The following ZNF45 variants were observed in gnomAD, a reference collection of about 807,000 sequenced individuals.
The protein encoded by ZNF45 is BRC1744.
In ZNF45, 4 loss-of-function variants were observed where a neutral mutation model predicts 12.0. The observed-to-expected ratio is 0.33, with a 90% CI of 0.16 to 0.76. The LOEUF (loss-of-function observed/expected upper bound fraction) is 0.76, where lower values mean the gene tolerates loss of function less well. ZNF45 is among the 30% of genes least tolerant of loss of function. ZNF45 has a pLI of 0.60. For synonymous variants in ZNF45, 272 were observed against 279.6 expected (o/e 0.97, Z 0.27); for missense variants, 700 against 813.0 (o/e 0.86, Z 1.69).
At chr19:43,919,727 A>G (rs976934636) in intron 7 of ZNF45, 28 bp from the exon 8 acceptor site, 6 of 1,604,190 alleles carry the variant, frequency 3.7e-6, no homozygotes, top group Non-Finnish European at 5.1e-6. Flanking sequence ...CTCCACCTAA[A>G]TCTTGCAATA....
In ZNF45 at chr19:43,913,269, G is replaced by T; in HGVS notation, c.*118C>A. 1 of 1,208,952 alleles carries T rather than the reference G, an allele frequency of 8.3e-7. No individual in the cohort carries two copies. The allele number at this position is 1,208,952 out of a possible 1,614,324, so 74.9% of individuals were successfully genotyped here. A position where few individuals can be genotyped will look rare whatever the true frequency, so the allele number is the denominator to read the frequency against. On this transcript the variant is annotated 3_prime_UTR_variant, in exon 10 of 10. Coordinates refer to ENST00000269973, the MANE Select transcript of ZNF45 (RefSeq NM_003425.4). ...GTCTCCACTCTTGTGAGGCTTCTCT[G>T]CTGTGTGGTCTCCCAATCACTTGGC...
rs984016469 is a variant in ZNF45 at position 43,913,455 on chromosome 19, C to A, written c.1981G>T (p.Val661Phe). 3.1e-6 allele frequency: 5 copies of A among 1,605,256 alleles called. No individual in the cohort carries two copies. The African/African-American group carries it at 4.0e-5, about 13-fold the overall frequency. ...TTGTCACCCTCATCATCAGCATGGACTCGCTGATGAATGATAAGACTTGAG... is the reference window on the plus strand; with the variant it reads ...TTGTCACCCTCATCATCAGCATGGAATCGCTGATGAATGATAAGACTTGAG... The part of the protein sequence containing the change: ...WSSSLIIHQR[V>F]HADDEGDKDF... Residue 661 changes from valine (V) to phenylalanine (F), a missense_variant, in exon 10 of 10, where the codon GTC becomes TTC. Val to Phe is a conservative substitution (Grantham distance 50, BLOSUM62 -1). Coordinates refer to ENST00000269973, the MANE Select transcript of ZNF45 (RefSeq NM_003425.4).
Position 43,922,209 on chromosome 19 carries a change from G to C in ZNF45, c.-24C>G. ...ATTTTGTCCTCCTCCTTCTGGAGAA[G>C]TGCCAAGTCTTAAGAGGGAAGGAGA... On this transcript the variant is annotated 5_prime_UTR_variant, in exon 7 of 10. Transcript: ENST00000269973. 1 of 1,606,224 alleles carries C rather than the reference G, an allele frequency of 6.2e-7. No homozygotes were observed. Among genetic ancestry groups the C allele is most frequent in the Non-Finnish European group, 8.5e-7 (1 of 1,174,660 alleles).
intron 6 of ZNF45, 130 bp from the exon 7 acceptor site, chr19:43,922,347 C>G: frequency 1.7e-6 from 1 of 590,478 alleles, no homozygotes; most frequent in Admixed American, 3.0e-5. Context: ...GTGTTCCTTC[C>G]TCGGGCTGGC....
At chr19:43,934,271 T>C (rs1644350796) in intron 2 of ZNF45, among the ~76,000 whole-genome samples, 155 bp downstream of exon 2, 1 of 152,064 alleles carries the variant, frequency 6.6e-6, no homozygotes, top group Admixed American at 6.5e-5. Context: ...ACAAGGCCTT[T>C]GTGAAGGTTC....
Position 43,914,125 on chromosome 19 carries a change from G to A in ZNF45, c.1311C>T (p.Val437=), listed in dbSNP as rs772341636. Residue 437 remains valine (V), a synonymous_variant, in exon 10 of 10, where the codon GTC becomes GTT. Transcript: ENST00000269973. ...ATTTATAGGGTTTTTCCCCTGTATG[G>A]ACTCTAAAATGAATGTTAAAATCTG... ...RSSDFNIHFR[V]HTGEKPYKCE... is the part of the protein sequence containing the mutation. 64 of 1,613,380 alleles carry A rather than the reference G, an allele frequency of 4.0e-5. No homozygotes were observed. In the South Asian group the frequency reaches 6.5e-4, roughly 16 times the overall value.
In ZNF45 at chr19:43,915,061, A is replaced by T; in HGVS notation, c.375T>A (p.Ile125=). 1 of 1,612,034 alleles carries T rather than the reference A, an allele frequency of 6.2e-7. No individual in the cohort carries two copies. The highest frequency in any genetic ancestry group is 8.5e-7 in the Non-Finnish European group (1 of 1,179,140). ...TTTCCAACTGGCAGCCTGTTCTTTG[A>T]ATATTTACCACAGAATCTTGATACT... ...LIKYQDSVVN[I]QRTGCQLEKR... Residue 125 remains isoleucine, a synonymous_variant, in exon 10 of 10, where the codon ATT becomes ATA. Coordinates refer to ENST00000269973, the MANE Select transcript of ZNF45 (RefSeq NM_003425.4).
intron 2 of ZNF45, among the ~76,000 whole-genome samples, chr19:43,933,023 C>T (rs1028400740): frequency 6.6e-6 from 1 of 152,190 alleles, no homozygotes; most frequent in African/African-American, 2.4e-5. Flanking sequence ...AGAGGCCTTA[C>T]AAGCCACCAA....
intron 3 of ZNF45, chr19:43,929,897 GACTAATAA>G (rs1341204551): frequency 1.3e-5 from 2 of 152,176 alleles, no homozygotes; most frequent in Admixed American, 6.6e-5. Flanking sequence ...GTGAATATGT[GACTAATAA>G]ACTGCTACCA....
chr19:43,922,061 T>A (rs1434633641), intron 7 of ZNF45, 110 bp downstream of exon 7: 2 of 1,132,896 alleles, frequency 1.8e-6, no homozygotes, highest in Non-Finnish European at 1.2e-6. Context: ...CACAAGAGGT[T>A]CTCAAATGTC....
At chr19:43,927,396 T>A (rs1405610719) in intron 3 of ZNF45, among the ~76,000 whole-genome samples, 1 of 152,172 alleles carries the variant, frequency 6.6e-6, no homozygotes, top group Non-Finnish European at 1.5e-5. Flanking sequence ...GCCTCATTAT[T>A]TATCACCTGA....
At chr19:43,931,213 A>G (rs919923271) in intron 3 of ZNF45, 2 of 152,148 alleles carry the variant, frequency 1.3e-5, no homozygotes, top group Non-Finnish European at 2.9e-5. Context: ...GAAAAAGTGG[A>G]AAGTGGGGAA....
intron 3 of ZNF45, among the ~76,000 whole-genome samples, chr19:43,929,743 G>T (rs1464818969): frequency 6.6e-6 from 1 of 152,262 alleles, no homozygotes; most frequent in Middle Eastern, 3.4e-3. Context: ...TTGCCTCCCT[G>T]CCAGCCTGTA....
intron 3 of ZNF45, among the ~76,000 whole-genome samples, chr19:43,927,141 C>T (rs564659493): frequency 6.6e-6 from 1 of 152,150 alleles, no homozygotes; most frequent in Non-Finnish European, 1.5e-5. Flanking sequence ...CCTAACTGCA[C>T]CCCAACACTT....
At position 43,919,575 on chromosome 19, in the gene ZNF45, A is replaced by G; in HGVS notation, c.140T>C (p.Val47Ala). ...AGTCAGAGAATGCCTGTCCTCACCC[A>G]CTGAGACCACATTCCTGAAGTTCTC... ...MLENFRNVVS[V>A]GHQSTPDGLP... Residue 47 changes from valine to alanine, a missense_variant and splice_region_variant, in exon 8 of 10, where the codon GTG (valine) becomes GCG (alanine). By Grantham distance (64) the Val-to-Ala change is moderately conservative (BLOSUM62 0). Coordinates refer to ENST00000269973, the MANE Select transcript of ZNF45 (RefSeq NM_003425.4). The G allele has an allele frequency of 6.2e-7, 1 of 1,611,766 alleles. No individual in the cohort carries two copies. The highest frequency in any genetic ancestry group is 1.3e-5 in the African/African-American group (1 of 74,914).
chr19:43,914,098 A>G lies in ZNF45; in HGVS notation c.1338T>C (p.Cys446=), dbSNP rs752328614. Residue 446 remains cysteine (C), a synonymous_variant, in exon 10 of 10, where the codon TGT becomes TGC. Coordinates refer to ENST00000269973, the MANE Select transcript of ZNF45 (RefSeq NM_003425.4). The part of the protein sequence containing the change: ...RVHTGEKPYK[C]EECGKGFSQA... Reference sequence around the variant, plus strand: ...GGCTGAAGCCCTTGCCACACTCCTCACATTTATAGGGTTTTTCCCCTGTAT... The same window carrying G: ...GGCTGAAGCCCTTGCCACACTCCTCGCATTTATAGGGTTTTTCCCCTGTAT... 6.2e-7 allele frequency: 1 copy of G among 1,614,032 alleles called. No individual in the cohort carries two copies. Among genetic ancestry groups the G allele is most frequent in the East Asian group, 2.2e-5 (1 of 44,878 alleles).
At chr19:43,922,032 A>G (rs1973225548) in intron 7 of ZNF45, 139 bp downstream of exon 7, 4 of 706,882 alleles carry the variant, frequency 5.7e-6, no homozygotes, top group African/African-American at 1.8e-5. Flanking sequence ...CAAAAGTAAA[A>G]AGCAGCAAGC....
At position 43,913,611 on chromosome 19, in the gene ZNF45, C is replaced by A. The variant is rs745455860; in HGVS notation, c.1825G>T (p.Glu609Ter). 3.1e-6 allele frequency: 5 copies of A among 1,614,024 alleles called. No homozygotes were observed. Among genetic ancestry groups the A allele is most frequent in the Non-Finnish European group, 4.2e-6 (5 of 1,180,034 alleles). The change falls in exon 10 of 10, where the codon GAG (glutamate) becomes TAG (stop). Residue 609 changes from glutamate (E) to a stop codon, truncating the protein, a stop_gained. Coordinates refer to ENST00000269973, the MANE Select transcript of ZNF45 (RefSeq NM_003425.4). LOFTEE classifies it low-confidence loss of function (END_TRUNC). The part of the protein sequence containing the change: ...LQAHQRVHTG[E>*]RPYKCEECGK... ...CATTCCTCACATTTGTATGGTCTCT[C>A]TCCTGTGTGGACCCTCTGGTGGGCT...
In ZNF45 at chr19:43,912,675, T is replaced by C. The variant is rs1383225461; in HGVS notation, c.*712A>G. The C allele has an allele frequency of 6.6e-6, 1 of 152,242 alleles. No individual in the cohort carries two copies. Among genetic ancestry groups the C allele is most frequent in the African/African-American group, 2.4e-5 (1 of 41,450 alleles). The allele number at this position is 152,242 out of a possible 1,614,324, so 9.4% of individuals were successfully genotyped here. On this transcript the variant is annotated 3_prime_UTR_variant, in exon 10 of 10. Transcript: ENST00000269973. ...AAAACTTTTTGGTTTAATAGACATA[T>C]TGTATACATTGATCTTGGTGATGAT... is the stretch of plus-strand genomic sequence containing the variant.
Sources: allele counts gnomAD v4.1 joint callset (sites outside exome capture counted in the v4.1 genomes callset), GRCh38; gene constraint gnomAD v4.1.1; transcripts MANE v1.5; gene names NCBI Gene and HGNC (gene_info 2026-07-23, HGNC 2026-07-21).